Variants in CYP4F11 observed in about 807,000 individuals in gnomAD.
CYP4F11 encodes the protein cytochrome P450 4F11.
In CYP4F11, 79 loss-of-function variants were observed where a neutral mutation model predicts 62.2. The ratio of observed to expected loss-of-function variants is 1.27; its 90% CI spans 1.06 to 1.53. The LOEUF (loss-of-function observed/expected upper bound fraction) is 1.53, where lower values mean the gene tolerates loss of function less well. CYP4F11 is among the 40% of genes most tolerant of loss of function. The pLI is 0.00. For missense variants in CYP4F11, 777 were observed against 680.5 expected (o/e 1.14, Z -1.58); for synonymous variants, 290 against 263.7 (o/e 1.10, Z -0.97).
chr19:15,926,266 T>A (rs988584973), intron 4 of CYP4F11, among the ~76,000 whole-genome samples: 2 of 152,100 alleles, frequency 1.3e-5, no homozygotes, highest in African/African-American at 2.4e-5. Flanking sequence ...TGGCACCCCG[T>A]GGGATTTAAG....
Position 15,931,692 on chromosome 19 carries a change from A to G in CYP4F11, c.199-2091T>C, listed in dbSNP as rs866699546. ...GAGGAATGAGTGAGCGAGGAGAGGA[A>G]TGAGTGAGCGAGGAGAGGAATGAGT... On this transcript the variant is annotated intron_variant, in intron 1 of 11. Coordinates refer to ENST00000402119, the MANE Select transcript of CYP4F11 (RefSeq NM_021187.4). Among the ~76,000 whole-genome samples, 89 of 63,352 alleles carry G rather than the reference A, an allele frequency of 1.4e-3. 1 individual carries two copies. The highest frequency in any genetic ancestry group is 2.2e-3 in the Non-Finnish European group (74 of 34,408). The allele number at this position is 63,352 out of a possible 152,430, so 41.6% of individuals were successfully genotyped here.
At chr19:15,924,624 C>T (rs916812210) in intron 5 of CYP4F11, 137 bp downstream of exon 5, 1 of 951,838 alleles carries the variant, frequency 1.1e-6, no homozygotes, top group South Asian at 1.4e-5. Flanking sequence ...TCCCCCTCCC[C>T]ATCCTTCAAA....
At chr19:15,926,915 C>T (rs113637566) in intron 4 of CYP4F11, among the ~76,000 whole-genome samples, 21 of 152,076 alleles carry the variant, frequency 1.4e-4, no homozygotes, top group African/African-American at 2.9e-4. Flanking sequence ...AGTTTTCAGG[C>T]GGTTTGTACT....
chr19:15,927,828 TTC>T, intron 2 of CYP4F11: 1 of 266,794 alleles, frequency 3.7e-6, no homozygotes, highest in East Asian at 7.2e-5. Context: ...CTCTGCTATC[TTC>T]TGACATGGAT....
chr19:15,934,545 G>C, upstream of CYP4F11: 4 of 1,040,488 alleles, frequency 3.8e-6, no homozygotes, highest in Non-Finnish European at 5.4e-6. Context: ...GGGTAAACAA[G>C]AGCTGAGATC....
At chr19:15,928,515 C>A (rs773870167) in intron 2 of CYP4F11, among the ~76,000 whole-genome samples, 1 of 152,182 alleles carries the variant, frequency 6.6e-6, no homozygotes, top group Non-Finnish European at 1.5e-5. Context: ...CTGGATCCAA[C>A]CATGCCTGAA....
At chr19:15,922,479 G>A in intron 6 of CYP4F11, 49 bp from the exon 7 acceptor site, 3 of 1,584,302 alleles carry the variant, frequency 1.9e-6, no homozygotes, top group Non-Finnish European at 2.6e-6. Context: ...CACCAGCTCT[G>A]AAGGCTCTTG....
chr19:15,934,551 A>T (rs1729987243), upstream of CYP4F11: 1 of 983,536 alleles, frequency 1.0e-6, no homozygotes, highest in Admixed American at 3.0e-5. Flanking sequence ...ACAAGAGCTG[A>T]GATCTAAAGT....
chr19:15,931,124 G>A (rs1599381462), intron 1 of CYP4F11, among the ~76,000 whole-genome samples: 1 of 151,992 alleles, frequency 6.6e-6, no homozygotes, highest in South Asian at 2.1e-4. Flanking sequence ...AGGTAACAAG[G>A]CCGACTGGGA....
rs1282331982 is a variant in CYP4F11 at position 15,934,218 on chromosome 19, T to G, written c.191A>C (p.Gln64Pro). Residue 64 changes from glutamine (Q) to proline (P), a missense_variant, in exon 1 of 12, where the codon CAG (glutamine) becomes CCG (proline). Coordinates refer to ENST00000402119, the MANE Select transcript of CYP4F11 (RefSeq NM_021187.4). The part of the protein sequence containing the change: ...PPKQNWFWGH[Q>P]GLVTPTEEGM... ...TCCTGCTGACAAACTCACCAGGCCC[T>G]GGTGTCCCCAAAACCAGTTCTGTTT... is the stretch of plus-strand genomic sequence containing the variant. 6.2e-7 allele frequency: 1 copy of G among 1,613,334 alleles called. No individual in the cohort carries two copies. Among genetic ancestry groups the G allele is most frequent in the Admixed American group, 1.7e-5 (1 of 59,942 alleles).
At chr19:15,931,545 G>GATGGCACATC (rs2089718237) in intron 1 of CYP4F11, among the ~76,000 whole-genome samples, 1 of 98,436 alleles carries the variant, frequency 1.0e-5, no homozygotes, top group Non-Finnish European at 2.3e-5. Flanking sequence ...AGTGAGCGGG[G>GATGGCACATC]AGAGGAATGA....
intron 1 of CYP4F11, among the ~76,000 whole-genome samples, chr19:15,930,312 C>T (rs1408250252): frequency 6.6e-6 from 1 of 152,158 alleles, no homozygotes; most frequent in Non-Finnish European, 1.5e-5. Flanking sequence ...AGATAATGGC[C>T]GGGCGTGGTG....
rs764623660 is a variant in CYP4F11 at position 15,914,745 on chromosome 19, C to A, written c.1249+17G>T. On this transcript the variant is annotated intron_variant, in intron 9 of 11. Coordinates refer to ENST00000402119, the MANE Select transcript of CYP4F11 (RefSeq NM_021187.4). ...TCTTGCTACCCAGGAGGCTCCTCCC[C>A]CTGAGGCTGTGAGCACCTTTGGGGA... The A allele has an allele frequency of 1.2e-6, 2 of 1,613,938 alleles. No individual in the cohort carries two copies. Among genetic ancestry groups the A allele is most frequent in the African/African-American group, 1.3e-5 (1 of 74,916 alleles).
At chr19:15,930,537 A>G (rs1402420567) in intron 1 of CYP4F11, among the ~76,000 whole-genome samples, 5 of 152,172 alleles carry the variant, frequency 3.3e-5, no homozygotes, top group Admixed American at 3.3e-4. Flanking sequence ...GGTTGCAGTG[A>G]GCTGAGATCG....
At position 15,912,816 on chromosome 19, in the gene CYP4F11, T is replaced by A. The variant is rs2089548757; in HGVS notation, c.*916A>T. ...TATATATATATATATACATATCTTA[T>A]ATGCACAGCCCTCTAGGAGAAGAGG... On this transcript the variant is annotated 3_prime_UTR_variant, in exon 12 of 12. Coordinates refer to ENST00000402119, the MANE Select transcript of CYP4F11 (RefSeq NM_021187.4). The A allele has an allele frequency of 7.1e-6, 1 of 140,712 alleles. No individual in the cohort carries two copies. Among genetic ancestry groups the A allele is most frequent in the African/African-American group, 2.7e-5 (1 of 36,436 alleles). 8.7% of individuals were successfully genotyped at this position (140,712 alleles called of 1,614,324 possible).
chr19:15,922,326 C>T (rs1157916926), intron 7 of CYP4F11, 38 bp downstream of exon 7: 2 of 1,611,636 alleles, frequency 1.2e-6, no homozygotes, highest in Non-Finnish European at 1.7e-6. Flanking sequence ...GATGGAGAGG[C>T]CCCTGTCCCC....
intron 8 of CYP4F11, among the ~76,000 whole-genome samples, chr19:15,917,693 A>C (rs917635607): frequency 6.6e-6 from 1 of 152,220 alleles, no homozygotes; most frequent in African/African-American, 2.4e-5. Flanking sequence ...AGACAGAAAA[A>C]AAGATTTATT....
chr19:15,923,951 C>T lies in CYP4F11; in HGVS notation c.779G>A (p.Cys260Tyr), dbSNP rs1363780530. The change falls in exon 6 of 12, where the codon TGC (cysteine) becomes TAC (tyrosine). Residue 260 changes from cysteine to tyrosine, a missense_variant. Transcript: ENST00000402119. Reference sequence around the variant, plus strand: ...ATCTGTGAAGTCGTGCACCAGGTGGCAGGCCCTGCGGAAGCGCTGCCCATC... The same window carrying T: ...ATCTGTGAAGTCGTGCACCAGGTGGTAGGCCCTGCGGAAGCGCTGCCCATC... The part of the protein sequence containing the change: ...TPDGQRFRRA[C>Y]HLVHDFTDAV... 2.5e-6 allele frequency: 4 copies of T among 1,614,064 alleles called. No individual in the cohort carries two copies. Among genetic ancestry groups the T allele is most frequent in the Admixed American group, 3.3e-5 (2 of 60,002 alleles).
At chr19:15,918,296 T>C (rs976660628) in intron 8 of CYP4F11, among the ~76,000 whole-genome samples, 1 of 151,448 alleles carries the variant, frequency 6.6e-6, no homozygotes, top group Non-Finnish European at 1.5e-5. Context: ...CAGGGAGGGG[T>C]TGGGGAGGTG....
Sources: allele counts gnomAD v4.1 joint callset (sites outside exome capture counted in the v4.1 genomes callset), GRCh38; gene constraint gnomAD v4.1.1; transcripts MANE v1.5; gene names NCBI Gene and HGNC (gene_info 2026-07-23, HGNC 2026-07-21).